CTSH: variants seen among roughly 807,000 people sequenced by gnomAD.
CTSH encodes the protein pro-cathepsin H.
Under a neutral mutation model 56.3 loss-of-function variants are expected in CTSH, and 52 were observed. The ratio of observed to expected loss-of-function variants is 0.92; its 90% CI spans 0.74 to 1.16. The LOEUF is 1.16. Ranked by LOEUF, CTSH falls within the 50% of genes most tolerant of loss-of-function variation. The pLI, the probability that CTSH is intolerant of heterozygous loss-of-function variation, is 0.00. For missense variants in CTSH, 406 were observed against 424.5 expected (o/e 0.96, Z 0.38); for synonymous variants, 174 against 155.7 (o/e 1.12, Z -0.88).
At chr15:78,925,912 T>C (rs1596270707) in intron 9 of CTSH, 1 of 157,712 alleles carries the variant, frequency 6.3e-6, no homozygotes, top group Non-Finnish European at 1.4e-5. Flanking sequence ...AGGGGGAAGG[T>C]AGGTGGGGGG....
chr15:78,927,807 A>G (rs765710292), intron 8 of CTSH, 26 bp from the exon 9 acceptor site: 13 of 1,605,088 alleles, frequency 8.1e-6, no homozygotes, highest in Non-Finnish European at 1.1e-5. Context: ...AGGGCATGAA[A>G]TACAGGTTAT....
chr15:78,936,151 G>C (rs898310351), intron 3 of CTSH, among the ~76,000 whole-genome samples: 6 of 150,660 alleles, frequency 4.0e-5, no homozygotes, highest in South Asian at 2.1e-4. Flanking sequence ...GCAGGGATGC[G>C]TGATCATTTC....
At chr15:78,930,134 C>T (rs2055019058) in intron 7 of CTSH, among the ~76,000 whole-genome samples, 3 of 152,220 alleles carry the variant, frequency 2.0e-5, no homozygotes, top group South Asian at 2.1e-4. Context: ...TTCTGCTGAG[C>T]GCTGTATCCC....
At position 78,935,035 on chromosome 15, in the gene CTSH, G is replaced by C; in HGVS notation, c.348C>G (p.Tyr116Ter). Residue 116 changes from tyrosine (Y) to a stop codon, truncating the protein, a stop_gained, in exon 5 of 12, where the codon TAC (tyrosine) becomes TAG (stop). Transcript: ENST00000220166. LOFTEE classifies it high-confidence loss of function. ...TTTTCCGCCAGTCCACGGAAGGTGGGTAGGGACCAGTACCTCGAAGGTAGT... is the reference window on the plus strand; with the variant it reads ...TTTTCCGCCAGTCCACGGAAGGTGGCTAGGGACCAGTACCTCGAAGGTAGT... The part of the protein sequence containing the change: ...KSNYLRGTGP[Y>*]PPSVDWRKKG... 6.2e-7 allele frequency: 1 copy of C among 1,614,172 alleles called. No homozygotes were observed.
At chr15:78,934,380 CG>C (rs1195820884) in intron 5 of CTSH, among the ~76,000 whole-genome samples, 4 of 152,180 alleles carry the variant, frequency 2.6e-5, no homozygotes, top group Admixed American at 6.5e-5. Context: ...CGCAGCAGGC[CG>C]GGAGAACAGC....
At chr15:78,923,578 C>T (rs200090704) in intron 10 of CTSH, among the ~76,000 whole-genome samples, 33 of 152,250 alleles carry the variant, frequency 2.2e-4, no homozygotes, top group Admixed American at 5.2e-4. Context: ...TGTGAGCCAC[C>T]GCACCCGGCC....
intron 10 of CTSH, 21 bp from the exon 11 acceptor site, chr15:78,923,139 A>C (rs1281137026): frequency 1.2e-6 from 2 of 1,612,714 alleles, no homozygotes; most frequent in Admixed American, 3.4e-5. Flanking sequence ...AAATTCAAAA[A>C]GAGGTGATCA....
intron 5 of CTSH, among the ~76,000 whole-genome samples, chr15:78,933,045 C>T (rs2055098677): frequency 6.6e-6 from 1 of 152,212 alleles, no homozygotes; most frequent in Non-Finnish European, 1.5e-5. Context: ...CCAGACAACC[C>T]CACCCAGACA....
intron 6 of CTSH, 21 bp downstream of exon 6, chr15:78,932,351 C>A: frequency 6.2e-7 from 1 of 1,609,188 alleles, no homozygotes; most frequent in Non-Finnish European, 8.5e-7. Context: ...CGCAGGGGGT[C>A]GCCTGTGGCT....
At chr15:78,932,327 G>A (rs771415886) in intron 6 of CTSH, 45 bp downstream of exon 6, 6 of 1,556,102 alleles carry the variant, frequency 3.9e-6, no homozygotes, top group Non-Finnish European at 5.3e-6. Flanking sequence ...CCCACATCAG[G>A]ATGGGGTGTC....
chr15:78,926,993 C>CCG (rs1023116716), intron 9 of CTSH: 2 of 152,280 alleles, frequency 1.3e-5, no homozygotes, highest in African/African-American at 4.8e-5. Flanking sequence ...CGTGGGCGCA[C>CCG]ACACAACCTA....
intron 4 of CTSH, among the ~76,000 whole-genome samples, chr15:78,935,323 T>G (rs1326180747): frequency 6.6e-6 from 1 of 152,244 alleles, no homozygotes; most frequent in African/African-American, 2.4e-5. Flanking sequence ...CTCACCTAGT[T>G]AAATTTGAAT....
In CTSH at chr15:78,944,975, C is replaced by G. The variant is rs1396631323; in HGVS notation, c.7G>C (p.Ala3Pro). The stretch of plus-strand genomic sequence containing the variant: ...CCGGCGCAGAGCAGCGGCAGCGTGG[C>G]CCACATCGCAGCGCTGGCGGCTTGG... MW[A>P]TLPLLCAGAW... Residue 3 changes from alanine (A) to proline (P), a missense_variant, in exon 1 of 12, where the codon GCC becomes CCC. Physicochemically the swap from Ala to Pro is conservative, Grantham distance 27 (BLOSUM62 -1). Coordinates refer to ENST00000220166, the MANE Select transcript of CTSH (RefSeq NM_004390.5). 3.2e-6 allele frequency: 5 copies of G among 1,543,338 alleles called. No homozygotes were observed. The South Asian group carries it at 3.6e-5, about 11-fold the overall frequency.
intron 7 of CTSH, among the ~76,000 whole-genome samples, chr15:78,931,094 CTG>C (rs1193557772): frequency 3.3e-5 from 5 of 152,236 alleles, no homozygotes; most frequent in Admixed American, 2.6e-4. Context: ...AACCCTGTAT[CTG>C]TGTGTGGATC....
At chr15:78,939,663 C>T (rs543711607) in intron 1 of CTSH, among the ~76,000 whole-genome samples, 3 of 152,190 alleles carry the variant, frequency 2.0e-5, no homozygotes, top group South Asian at 4.2e-4. Context: ...CGAGGTGGGC[C>T]GATTGCCTGA....
intron 10 of CTSH, among the ~76,000 whole-genome samples, chr15:78,924,037 A>G (rs2054836827): frequency 1.6e-5 from 2 of 127,422 alleles, no homozygotes; most frequent in African/African-American, 5.9e-5. Flanking sequence ...CAGTGGCCTG[A>G]GGGCTCTGAC....
At chr15:78,922,954 A>G (rs1239693303) in intron 11 of CTSH, 39 bp downstream of exon 11, 1 of 1,586,838 alleles carries the variant, frequency 6.3e-7, no homozygotes, top group Non-Finnish European at 8.5e-7. Flanking sequence ...GGCCTGAGCA[A>G]CATCCCCCTC....
chr15:78,927,914 A>C, intron 8 of CTSH, 133 bp from the exon 9 acceptor site: 1 of 732,068 alleles, frequency 1.4e-6, no homozygotes. Context: ...TTCAGAGAGA[A>C]TTAAAGCATC....
intron 2 of CTSH, 97 bp downstream of exon 2, chr15:78,939,043 T>C: frequency 8.5e-7 from 1 of 1,179,006 alleles, no homozygotes; most frequent in South Asian, 1.4e-5. Flanking sequence ...AAGTTGGAAA[T>C]TCCCTTTTTC....
Sources: gnomAD v4.1 joint callset for allele counts (sites outside exome capture counted in the v4.1 genomes callset) on GRCh38, gnomAD v4.1.1 for gene constraint, MANE v1.5 for transcripts, NCBI Gene and HGNC (gene_info 2026-07-23, HGNC 2026-07-21) for gene names.